ABCA10: variants seen among roughly 807,000 people sequenced by gnomAD.
The protein encoded by ABCA10 is ATP-binding cassette sub-family A member 10.
A neutral mutation model predicts 187.5 loss-of-function variants in ABCA10; 169 were observed. The ratio of observed to expected loss-of-function variants is 0.90; its 90% CI spans 0.80 to 1.02. The LOEUF is 1.02. Ranked by LOEUF, ABCA10 falls within the 50% of genes least tolerant of loss-of-function variation. The pLI is 0.00. For synonymous variants in ABCA10, 574 were observed against 601.8 expected (o/e 0.95, Z 0.68); for missense variants, 1,727 against 1,812.4 (o/e 0.95, Z 0.86).
intron 9 of ABCA10, 68 bp from the exon 10 acceptor site, chr17:69,201,736 C>CCTT: frequency 8.0e-7 from 1 of 1,254,496 alleles, no homozygotes; most frequent in Non-Finnish European, 1.1e-6. Context: ...GACATCTGTC[C>CCTT]TTTACTTGAT....
intron 16 of ABCA10, 134 bp from the exon 17 acceptor site, chr17:69,191,449 A>T: frequency 1.1e-6 from 1 of 912,092 alleles, no homozygotes; most frequent in Non-Finnish European, 1.5e-6. Context: ...TGGTTCCTGC[A>T]AATCAGATAC....
Position 69,187,771 on chromosome 17 carries a change from C to G in ABCA10, c.2240G>C (p.Ser747Thr), listed in dbSNP as rs1179314275. 4 of 1,613,922 alleles carry G rather than the reference C, an allele frequency of 2.5e-6. No individual in the cohort carries two copies. Among genetic ancestry groups the G allele is most frequent in the Non-Finnish European group, 3.4e-6 (4 of 1,179,820 alleles). ...CSLPETRKAV[S>T]SAALWRRQIY... ...TTGTCGTCTCCAGAGAGCTGCACTA[C>G]TGACAGCCTTTCTTGTTTCAGGAAG... The change falls in exon 19 of 39, where the codon AGT (serine) becomes ACT (threonine). Residue 747 changes from serine (S) to threonine (T), a missense_variant. By Grantham distance (58) the Ser-to-Thr change is moderately conservative. Coordinates refer to ENST00000690296, the MANE Select transcript of ABCA10 (RefSeq NM_001377321.1).
intron 9 of ABCA10, among the ~76,000 whole-genome samples, chr17:69,202,266 T>C (rs145800547): frequency 2.9e-4 from 44 of 152,084 alleles, no homozygotes; most frequent in African/African-American, 1.0e-3. Flanking sequence ...ATTTGGATGC[T>C]AAAAAAAGGG....
chr17:69,207,590 T>G (rs1030919909), intron 9 of ABCA10, among the ~76,000 whole-genome samples: 3 of 152,120 alleles, frequency 2.0e-5, no homozygotes, highest in African/African-American at 7.2e-5. Flanking sequence ...GGAAGGAAAT[T>G]TTGTCATTTG....
intron 11 of ABCA10, among the ~76,000 whole-genome samples, chr17:69,196,028 CAAA>C (rs1162758961): frequency 6.6e-6 from 1 of 152,240 alleles, no homozygotes; most frequent in Non-Finnish European, 1.5e-5. Flanking sequence ...TTCCACTGGA[CAAA>C]ACCGCCATCA....
chr17:69,201,137 T>C (rs80064693), intron 10 of ABCA10, among the ~76,000 whole-genome samples: 11,091 of 152,236 alleles, frequency 0.073, 542 homozygotes, highest in Admixed American at 0.15. Context: ...ATACTCCCTA[T>C]GGGAAGATAG....
chr17:69,182,828 G>GAAA lies in ABCA10; in HGVS notation c.2498-21_2498-20insTTT. 6.9e-7 allele frequency: 1 copy of GAAA among 1,446,204 alleles called. No homozygotes were observed. Among genetic ancestry groups the GAAA allele is most frequent in the Non-Finnish European group, 9.0e-7 (1 of 1,105,238 alleles). The allele number at this position is 1,446,204 out of a possible 1,614,324, so 89.6% of individuals were successfully genotyped here. A position where few individuals can be genotyped will look rare whatever the true frequency, so the allele number is the denominator to read the frequency against. ...TTGATCCTAACATAGTGGAAGGAAG[G>GAAA]CAACAAGAAAAAAAAAAAAAAAGCA... On this transcript the variant is annotated intron_variant, in intron 20 of 38. Transcript: ENST00000690296.
chr17:69,232,546 C>T (rs1457083418), upstream of ABCA10, among the ~76,000 whole-genome samples: 2 of 152,086 alleles, frequency 1.3e-5, no homozygotes, highest in Non-Finnish European at 2.9e-5. Context: ...TTTGATGTCA[C>T]AATTTTTAAA....
intron 1 of ABCA10, among the ~76,000 whole-genome samples, chr17:69,239,800 T>C (rs973302613): frequency 2.6e-5 from 4 of 152,186 alleles, no homozygotes; most frequent in African/African-American, 9.7e-5. Context: ...CACCTCTAGC[T>C]GTATAGTGAC....
At chr17:69,204,127 C>T (rs556633216) in intron 9 of ABCA10, among the ~76,000 whole-genome samples, 26 of 152,294 alleles carry the variant, frequency 1.7e-4, no homozygotes, top group African/African-American at 6.0e-4. Flanking sequence ...GGGATCTTTA[C>T]ATGCTATATT....
chr17:69,235,727 C>T (rs2144864721), intron 1 of ABCA10, among the ~76,000 whole-genome samples: 1 of 151,962 alleles, frequency 6.6e-6, no homozygotes, highest in Non-Finnish European at 1.5e-5. Context: ...TGTGCTGCTT[C>T]CACCTGGCAG....
Position 69,148,711 on chromosome 17 carries a change from G to C in ABCA10, c.*116C>G, listed in dbSNP as rs970267959. The C allele has an allele frequency of 3.8e-5, 33 of 867,068 alleles. No homozygotes were observed. In the East Asian group the frequency reaches 8.7e-4, roughly 23 times the overall value. 53.7% of individuals were successfully genotyped at this position (867,068 alleles called of 1,614,324 possible). On this transcript the variant is annotated 3_prime_UTR_variant, in exon 39 of 39. Coordinates refer to ENST00000690296, the MANE Select transcript of ABCA10 (RefSeq NM_001377321.1). Reference sequence around the variant, plus strand: ...AAAAATGAAAACTGTAATCATTATTGAATGTTTATTAAATGTTTTCTTTTG... The same window carrying C: ...AAAAATGAAAACTGTAATCATTATTCAATGTTTATTAAATGTTTTCTTTTG...
chr17:69,206,610 T>G (rs937868396), intron 9 of ABCA10, among the ~76,000 whole-genome samples: 2 of 152,232 alleles, frequency 1.3e-5, no homozygotes, highest in Non-Finnish European at 2.9e-5. Flanking sequence ...TTCCTGTCTG[T>G]GCAAAAGCAT....
At chr17:69,215,106 C>G (rs543299702) in intron 8 of ABCA10, among the ~76,000 whole-genome samples, 3 of 151,784 alleles carry the variant, frequency 2.0e-5, no homozygotes, top group African/African-American at 7.3e-5. Context: ...GGTATTTTAA[C>G]AAAGAAAATA....
chr17:69,205,424 C>T (rs902016072), intron 9 of ABCA10, among the ~76,000 whole-genome samples: 4 of 152,230 alleles, frequency 2.6e-5, no homozygotes, highest in African/African-American at 9.6e-5. Flanking sequence ...AGGTGCCAAA[C>T]ACTGTTGTGA....
At position 69,161,059 on chromosome 17, in the gene ABCA10, A is replaced by G. The variant is rs143782953; in HGVS notation, c.3363+3015T>C. On this transcript the variant is annotated intron_variant, in intron 27 of 38. Transcript: ENST00000690296. ...AATTATGGTATATACATATAATTCA[A>G]TATTATTCAACCTTAAAAAGGAGTG... Among the ~76,000 whole-genome samples the G allele has an allele frequency of 5.9e-5, 9 of 152,352 alleles. No individual in the cohort carries two copies. In the South Asian group the frequency reaches 8.3e-4, roughly 14 times the overall value.
Position 69,222,656 on chromosome 17 carries a change from T to C in ABCA10, c.76A>G (p.Ile26Val). ...TCATGGTATTTTTTTGGAAGTTCTA[T>C]ATCCATGGTCTCTTCATCTGGTGTC... ...IGTPDEETMD[I>V]ELPKKYHEMV... The change falls in exon 4 of 39, where the codon ATA (isoleucine) becomes GTA (valine). Residue 26 changes from isoleucine (I) to valine (V), a missense_variant. Transcript: ENST00000690296. 1.3e-6 allele frequency: 2 copies of C among 1,599,612 alleles called. No individual in the cohort carries two copies. The highest frequency in any genetic ancestry group is 1.7e-6 in the Non-Finnish European group (2 of 1,176,728).
intron 5 of ABCA10, among the ~76,000 whole-genome samples, chr17:69,221,073 A>T (rs978453427): frequency 1.3e-5 from 2 of 152,240 alleles, no homozygotes; most frequent in Non-Finnish European, 2.9e-5. Context: ...TGCCTGAGAT[A>T]GAACTTTGTG....
At position 69,153,121 on chromosome 17, in the gene ABCA10, A is replaced by G. The variant is rs192514397; in HGVS notation, c.4136+184T>C. ...CAAGAGTTTATTTGGGTCTTAAAAT[A>G]TCTATTTTTTCCCTCCTGCAGGAAT... On this transcript the variant is annotated intron_variant, in intron 34 of 38. Coordinates refer to ENST00000690296, the MANE Select transcript of ABCA10 (RefSeq NM_001377321.1). 1.7e-3 allele frequency among the ~76,000 whole-genome samples: 260 copies of G among 152,316 alleles called. 3 individuals are homozygous for G. The highest frequency in any genetic ancestry group is 6.1e-3 in the African/African-American group (252 of 41,572).
Sources: gnomAD v4.1 joint callset for allele counts (sites outside exome capture counted in the v4.1 genomes callset) on GRCh38, gnomAD v4.1.1 for gene constraint, MANE v1.5 for transcripts, NCBI Gene and HGNC (gene_info 2026-07-23, HGNC 2026-07-21) for gene names.